Variants in ATP8A2 observed in about 807,000 individuals in gnomAD.
ATP8A2 encodes the protein ATPase phospholipid transporting 8A2.
A neutral mutation model predicts 165.6 loss-of-function variants in ATP8A2; 100 were observed. The ratio of observed to expected loss-of-function variants is 0.60; its 90% CI spans 0.51 to 0.71. The LOEUF (loss-of-function observed/expected upper bound fraction) is 0.71. Ranked by LOEUF, ATP8A2 falls within the 30% of genes least tolerant of loss-of-function variation. The pLI is 0.00. For missense variants in ATP8A2, 1,227 were observed against 1,479.5 expected (o/e 0.83, Z 2.80); for synonymous variants, 543 against 548.8 (o/e 0.99, Z 0.15).
chr13:25,508,831 T>A (rs1437723282), intron 2 of ATP8A2, among the ~76,000 whole-genome samples: 1 of 152,252 alleles, frequency 6.6e-6, no homozygotes, highest in Admixed American at 6.5e-5. Context: ...AATGTAGACA[T>A]GGCCAATTAT....
chr13:26,019,850 T>C, intron 36 of ATP8A2, 38 bp from the exon 37 acceptor site: 1 of 1,477,766 alleles, frequency 6.8e-7, no homozygotes, highest in South Asian at 1.1e-5. Flanking sequence ...CCCCCAATTC[T>C]CCTGTTAACC....
chr13:25,424,546 G>A (rs541416817), intron 1 of ATP8A2, among the ~76,000 whole-genome samples: 21 of 152,292 alleles, frequency 1.4e-4, no homozygotes, highest in African/African-American at 4.1e-4. Context: ...TGCTGTTAAC[G>A]CTTAATAGAA....
chr13:25,627,832 T>G (rs1383751374), intron 24 of ATP8A2, among the ~76,000 whole-genome samples: 1 of 152,206 alleles, frequency 6.6e-6, no homozygotes, highest in Non-Finnish European at 1.5e-5. Flanking sequence ...CTCAGTGTTC[T>G]GAAACACATT....
intron 27 of ATP8A2, among the ~76,000 whole-genome samples, chr13:25,815,219 C>T (rs190554802): frequency 6.6e-6 from 1 of 152,256 alleles, no homozygotes; most frequent in Non-Finnish European, 1.5e-5. Context: ...CAAAATTCAA[C>T]ATTTTTGCCC....
chr13:25,531,723 C>A (rs1356658441), intron 4 of ATP8A2, among the ~76,000 whole-genome samples: 2 of 151,962 alleles, frequency 1.3e-5, no homozygotes, highest in African/African-American at 4.8e-5. Flanking sequence ...GATGGCTGCA[C>A]AAAATTATTA....
At chr13:25,488,354 G>A (rs749343711) in intron 2 of ATP8A2, among the ~76,000 whole-genome samples, 2 of 152,216 alleles carry the variant, frequency 1.3e-5, no homozygotes, top group South Asian at 2.1e-4. Flanking sequence ...GGCAGTCACC[G>A]TTCTACTTTC....
At chr13:25,902,818 C>A (rs1028320404) in intron 33 of ATP8A2, among the ~76,000 whole-genome samples, 1 of 152,108 alleles carries the variant, frequency 6.6e-6, no homozygotes, top group Admixed American at 6.5e-5. Flanking sequence ...GAACCACAGG[C>A]CCACGCTGGT....
Position 25,750,777 on chromosome 13 carries a change from T to G in ATP8A2, c.2385-18269T>G, listed in dbSNP as rs1207130518. Among the ~76,000 whole-genome samples the G allele has an allele frequency of 1.3e-5, 2 of 152,136 alleles. No individual in the cohort carries two copies. The highest frequency in any genetic ancestry group is 2.9e-5 in the Non-Finnish European group (2 of 68,038). ...TCTTCTGCTCGATGTATACAAAACT[T>G]CTGTTTTGAAAGAGTTGCTTGGGGA... On this transcript the variant is annotated intron_variant, in intron 25 of 36. Transcript: ENST00000381655. The surrounding 1 kb of genome is among the most constrained non-coding windows in gnomAD (Gnocchi z 4.3).
At chr13:25,893,620 C>T (rs1211679652) in intron 33 of ATP8A2, among the ~76,000 whole-genome samples, 1 of 152,100 alleles carries the variant, frequency 6.6e-6, no homozygotes, top group Non-Finnish European at 1.5e-5. Context: ...CCTGAGGAAT[C>T]GCCACACCAA....
intron 35 of ATP8A2, among the ~76,000 whole-genome samples, chr13:25,973,999 G>A (rs1311431333): frequency 1.3e-5 from 2 of 152,222 alleles, no homozygotes; most frequent in African/African-American, 4.8e-5. Flanking sequence ...CTCCAGGCCA[G>A]GTGGCAAATG....
intron 24 of ATP8A2, among the ~76,000 whole-genome samples, chr13:25,639,721 G>T (rs530249261): frequency 6.6e-6 from 1 of 151,190 alleles, no homozygotes; most frequent in East Asian, 1.9e-4. Context: ...AAGGATATCC[G>T]GGAATTGAAC....
At chr13:25,640,840 A>G (rs1444238335) in intron 24 of ATP8A2, among the ~76,000 whole-genome samples, 4 of 152,370 alleles carry the variant, frequency 2.6e-5, no homozygotes, top group Middle Eastern at 3.4e-3. Context: ...ATGAACATCA[A>G]TGCAAAAATC....
At chr13:25,985,382 A>G (rs76315135) in intron 35 of ATP8A2, among the ~76,000 whole-genome samples, 6 of 152,178 alleles carry the variant, frequency 3.9e-5, no homozygotes, top group Admixed American at 6.5e-5. Flanking sequence ...CCCCACGCAT[A>G]TACTCATGGT....
At chr13:25,967,654 T>A (rs1324406) in intron 34 of ATP8A2, among the ~76,000 whole-genome samples, 128,764 of 152,260 alleles carry the variant, frequency 0.85, 55,056 homozygotes, top group African/African-American at 0.89. Flanking sequence ...TTACTAATTT[T>A]TGAGCCTTTT....
At chr13:25,791,839 T>G (rs1478614476) in intron 27 of ATP8A2, among the ~76,000 whole-genome samples, 1 of 152,216 alleles carries the variant, frequency 6.6e-6, no homozygotes, top group East Asian at 1.9e-4. Flanking sequence ...GACCCTTGTT[T>G]CCTTCTTGCT....
intron 25 of ATP8A2, among the ~76,000 whole-genome samples, chr13:25,720,167 C>CTTTCTTTTTTTT (rs2043344340): frequency 3.4e-5 from 4 of 117,288 alleles, no homozygotes; most frequent in African/African-American, 7.6e-5. Flanking sequence ...TATACTTTTT[C>CTTTCTTTTTTTT]TTTTTTTTTT....
At chr13:25,677,550 T>A (rs2042396790) in intron 24 of ATP8A2, among the ~76,000 whole-genome samples, 1 of 151,750 alleles carries the variant, frequency 6.6e-6, no homozygotes, top group South Asian at 2.1e-4. Flanking sequence ...GAAGAAGGCA[T>A]GGCACTTGGA....
intron 1 of ATP8A2, among the ~76,000 whole-genome samples, chr13:25,467,280 C>T (rs1489481984): frequency 1.3e-5 from 2 of 152,184 alleles, no homozygotes; most frequent in East Asian, 3.9e-4. Context: ...GCTTGAGCCC[C>T]GGAGCCTGCA....
intron 35 of ATP8A2, among the ~76,000 whole-genome samples, chr13:25,994,808 G>C (rs1415735445): frequency 6.6e-6 from 1 of 152,032 alleles, no homozygotes; most frequent in Non-Finnish European, 1.5e-5. Context: ...ATCTATGTTT[G>C]TAAGGTACAT....
Sources: allele counts gnomAD v4.1 joint callset (sites outside exome capture counted in the v4.1 genomes callset), GRCh38; gene constraint gnomAD v4.1.1; non-coding constraint Gnocchi (gnomAD v3.1); transcripts MANE v1.5; gene names NCBI Gene and HGNC (gene_info 2026-07-23, HGNC 2026-07-21).